The following TANC2 variants were observed in gnomAD, a reference collection of about 807,000 sequenced individuals.
The protein encoded by TANC2 is protein TANC2.
A neutral mutation model predicts 210.5 loss-of-function variants in TANC2; 26 were observed. The observed-to-expected ratio is 0.12, with a 90% CI of 0.09 to 0.17. The LOEUF (loss-of-function observed/expected upper bound fraction) is 0.17. Among genes scored for constraint, TANC2 ranks in the 10% least tolerant of loss-of-function variants. The pLI, the probability that TANC2 is intolerant of heterozygous loss-of-function variation, is 1.00. For synonymous variants in TANC2, 931 were observed against 967.1 expected, an observed-to-expected ratio of 0.96 and a Z score of 0.69; for missense variants, 2,129 against 2,608.9, an observed-to-expected ratio of 0.82 and a Z score of 4.01.
At chr17:63,290,615 A>G (rs1284598965) in intron 9 of TANC2, among the ~76,000 whole-genome samples, 1 of 152,076 alleles carries the variant, frequency 6.6e-6, no homozygotes. Flanking sequence ...CTGAGGAACC[A>G]CTGTTTTTCA....
intron 9 of TANC2, 40 bp downstream of exon 9, chr17:63,267,913 G>A: frequency 6.4e-7 from 1 of 1,566,558 alleles, no homozygotes. Flanking sequence ...CCCGGGAACA[G>A]ATGGAAATGG....
At chr17:63,292,261 A>T (rs182302494) in intron 9 of TANC2, among the ~76,000 whole-genome samples, 14 of 152,328 alleles carry the variant, frequency 9.2e-5, no homozygotes, top group African/African-American at 3.4e-4. Flanking sequence ...TAGGATTGGC[A>T]GTATTTTAAA....
intron 3 of TANC2, among the ~76,000 whole-genome samples, chr17:63,075,184 G>C (rs901263113): frequency 1.1e-4 from 16 of 152,094 alleles, no homozygotes; most frequent in Admixed American, 4.6e-4. Context: ...ATGAGATTAT[G>C]TAAAACTCTA....
intron 4 of TANC2, among the ~76,000 whole-genome samples, chr17:63,123,306 C>T (rs1263912625): frequency 6.6e-6 from 1 of 151,976 alleles, no homozygotes; most frequent in Non-Finnish European, 1.5e-5. Context: ...GCCTGTAATC[C>T]CAGCACTTTG....
intron 2 of TANC2, among the ~76,000 whole-genome samples, chr17:63,055,980 AAAAAAAAAAAATATATATATATAT>A (rs1349841610): frequency 0.021 from 548 of 26,592 alleles, 8 homozygotes; most frequent in South Asian, 0.096. Flanking sequence ...AAAAAAAAAA[AAAAAAAAAAAATATATATATATAT>A]ATATATATAT....
At chr17:63,152,153 C>T (rs574664245) in intron 5 of TANC2, 1 of 152,224 alleles carries the variant, frequency 6.6e-6, no homozygotes, top group South Asian at 2.1e-4. Flanking sequence ...AAGGAAGGAC[C>T]TTGGAAGACT....
At chr17:63,404,116 G>GAA (rs956449097) in intron 19 of TANC2, among the ~76,000 whole-genome samples, 1 of 150,920 alleles carries the variant, frequency 6.6e-6, no homozygotes, top group Admixed American at 6.6e-5. Flanking sequence ...AGTCAATTTG[G>GAA]AAAAAAAAAT....
chr17:63,207,843 G>A (rs1462612847), intron 7 of TANC2, among the ~76,000 whole-genome samples: 2 of 152,108 alleles, frequency 1.3e-5, no homozygotes, highest in Admixed American at 1.3e-4. Context: ...ACTGCCACTA[G>A]CAATATACTA....
At chr17:63,043,465 T>C (rs2035267577) in intron 2 of TANC2, among the ~76,000 whole-genome samples, 1 of 152,146 alleles carries the variant, frequency 6.6e-6, no homozygotes, top group Non-Finnish European at 1.5e-5. Context: ...ATAAATTCTA[T>C]CATTTTACTC....
At chr17:63,041,579 CTTTTTA>C (rs1036306742) in intron 2 of TANC2, among the ~76,000 whole-genome samples, 32 of 151,954 alleles carry the variant, frequency 2.1e-4, no homozygotes, top group African/African-American at 7.0e-4. Flanking sequence ...TTCAGCTTCT[CTTTTTA>C]TTTTTATTTT....
intron 12 of TANC2, among the ~76,000 whole-genome samples, chr17:63,349,546 T>C (rs1472274343): frequency 6.6e-6 from 1 of 152,206 alleles, no homozygotes; most frequent in African/African-American, 2.4e-5. Flanking sequence ...ATTTGTAATA[T>C]TTGCCAATTT....
chr17:63,154,957 A>G (rs773090066), intron 5 of TANC2: 1 of 152,274 alleles, frequency 6.6e-6, no homozygotes, highest in South Asian at 2.1e-4. Context: ...GGAAGAATAC[A>G]CCAAACCGTA....
At chr17:63,093,775 TG>T (rs1258690804) in intron 3 of TANC2, among the ~76,000 whole-genome samples, 5 of 152,098 alleles carry the variant, frequency 3.3e-5, no homozygotes, top group African/African-American at 1.2e-4. Flanking sequence ...TTAGCATTTT[TG>T]GGTTTTGTTT....
chr17:63,225,588 T>G (rs1025323917), intron 7 of TANC2, among the ~76,000 whole-genome samples: 2 of 152,218 alleles, frequency 1.3e-5, no homozygotes, highest in African/African-American at 2.4e-5. Context: ...TTAATCCTGC[T>G]TCTCTTCCTG....
At chr17:62,996,615 T>G (rs2033120102) in intron 1 of TANC2, among the ~76,000 whole-genome samples, 1 of 152,166 alleles carries the variant, frequency 6.6e-6, no homozygotes, top group Non-Finnish European at 1.5e-5. Context: ...TAAATTTAAT[T>G]TGGCTGAAGT....
chr17:63,099,123 G>C (rs2037522957), intron 3 of TANC2, 52 bp from the exon 4 acceptor site: 1 of 1,539,882 alleles, frequency 6.5e-7, no homozygotes. Context: ...ATTTTAATAG[G>C]GAAGGCAGGA....
intron 7 of TANC2, among the ~76,000 whole-genome samples, chr17:63,230,008 C>A (rs1290805602): frequency 1.3e-5 from 2 of 152,090 alleles, no homozygotes; most frequent in African/African-American, 4.8e-5. Context: ...GTTGGCCAGC[C>A]TGGTCTCAAA....
At chr17:63,238,490 A>G (rs192827090) in intron 8 of TANC2, among the ~76,000 whole-genome samples, 3 of 152,332 alleles carry the variant, frequency 2.0e-5, no homozygotes, top group Admixed American at 2.0e-4. Context: ...ATTATCAGAA[A>G]TCATCATCCA....
At chr17:63,316,302 C>CAAGCTT (rs140423554) in intron 10 of TANC2, among the ~76,000 whole-genome samples, 1 of 151,944 alleles carries the variant, frequency 6.6e-6, no homozygotes, top group Non-Finnish European at 1.5e-5. Context: ...CCAGAAAGCT[C>CAAGCTT]AAGCTCTCTG....
Sources: allele counts gnomAD v4.1 joint callset (sites outside exome capture counted in the v4.1 genomes callset), GRCh38; gene constraint gnomAD v4.1.1; transcripts MANE v1.5; gene names NCBI Gene and HGNC (gene_info 2026-07-23, HGNC 2026-07-21).